Variants in TRPC4 observed in about 807,000 individuals in gnomAD.
TRPC4 encodes short transient receptor potential channel 4.
TRPC4 carries 49 observed loss-of-function variants against 99.4 expected under a neutral mutation model. The ratio of observed to expected loss-of-function variants is 0.49; its 90% CI spans 0.39 to 0.63. TRPC4 has a LOEUF of 0.63. Among genes scored for constraint, TRPC4 ranks in the 20% least tolerant of loss-of-function variants. TRPC4 has a pLI of 0.00. For missense variants in TRPC4, 898 were observed against 1,152.9 expected (o/e 0.78, Z 3.20); for synonymous variants, 454 against 425.9 (o/e 1.07, Z -0.81).
At chr13:37,746,580 T>G in intron 2 of TRPC4, 125 bp from the exon 3 acceptor site, 1 of 1,112,538 alleles carries the variant, frequency 9.0e-7, no homozygotes, top group East Asian at 2.6e-5. Context: ...TTTTTTTTTT[T>G]GTAGGAGAGA....
chr13:37,713,717 C>CA (rs1309238612), intron 3 of TRPC4, among the ~76,000 whole-genome samples: 2 of 152,138 alleles, frequency 1.3e-5, no homozygotes, highest in Non-Finnish European at 2.9e-5. Flanking sequence ...CCACCTCCCT[C>CA]AAAAAACCCA....
chr13:37,813,172 G>T (rs1036908306), intron 1 of TRPC4, among the ~76,000 whole-genome samples: 3 of 151,574 alleles, frequency 2.0e-5, no homozygotes, highest in African/African-American at 7.3e-5. Flanking sequence ...AATCAAAGAA[G>T]AAATCATAAG....
At chr13:37,749,736 T>G (rs1286023912) in intron 2 of TRPC4, among the ~76,000 whole-genome samples, 2 of 152,144 alleles carry the variant, frequency 1.3e-5, no homozygotes, top group Non-Finnish European at 2.9e-5. Flanking sequence ...GTATGAAAGT[T>G]CTCCATCTTC....
chr13:37,646,025 T>A (rs539469190), intron 8 of TRPC4, among the ~76,000 whole-genome samples: 24 of 152,310 alleles, frequency 1.6e-4, no homozygotes, highest in Non-Finnish European at 3.4e-4. Context: ...TCCTAAAGAT[T>A]AGGGAGCGAT....
At chr13:37,822,489 T>C (rs36129492) in intron 1 of TRPC4, among the ~76,000 whole-genome samples, 42,912 of 149,976 alleles carry the variant, frequency 0.29, 6,357 homozygotes, top group East Asian at 0.42. Flanking sequence ...TCTCATTGTT[T>C]GATTCCCATC....
intron 3 of TRPC4, among the ~76,000 whole-genome samples, chr13:37,716,491 T>C (rs1290388079): frequency 6.6e-6 from 1 of 152,204 alleles, no homozygotes; most frequent in Non-Finnish European, 1.5e-5. Context: ...GCACTGGCTT[T>C]GAGTATCTAG....
At chr13:37,862,529 TTTTTGTTTTG>T (rs985618862) in intron 1 of TRPC4, among the ~76,000 whole-genome samples, 6 of 151,494 alleles carry the variant, frequency 4.0e-5, no homozygotes, top group African/African-American at 7.2e-5. Flanking sequence ...TGGCCCAAAG[TTTTTGTTTTG>T]TTTTGTTTTG....
chr13:37,652,116 A>C (rs533240625), intron 7 of TRPC4, among the ~76,000 whole-genome samples: 1 of 152,256 alleles, frequency 6.6e-6, no homozygotes, highest in Admixed American at 6.5e-5. Flanking sequence ...ATCATGTATT[A>C]CTCACTCCAC....
intron 1 of TRPC4, among the ~76,000 whole-genome samples, chr13:37,860,842 A>C (rs1819607): frequency 0.71 from 106,905 of 151,050 alleles, 37,949 homozygotes; most frequent in Admixed American, 0.75. Flanking sequence ...GTGCTAGCAG[A>C]GTATAATATT....
chr13:37,719,338 A>T (rs1236855445), intron 3 of TRPC4, among the ~76,000 whole-genome samples: 1 of 152,104 alleles, frequency 6.6e-6, no homozygotes, highest in Non-Finnish European at 1.5e-5. Flanking sequence ...ACAGAGTGAG[A>T]CCATGTCTTA....
intron 1 of TRPC4, among the ~76,000 whole-genome samples, chr13:37,818,367 T>C (rs1593250632): frequency 6.6e-6 from 1 of 152,078 alleles, no homozygotes. Context: ...TGTAAATTAG[T>C]TCAACCATTG....
chr13:37,752,901 G>C (rs1264010314), intron 2 of TRPC4, among the ~76,000 whole-genome samples: 1 of 151,928 alleles, frequency 6.6e-6, no homozygotes, highest in Non-Finnish European at 1.5e-5. Context: ...TGAGCAATGT[G>C]CAAGGCAATG....
intron 8 of TRPC4, among the ~76,000 whole-genome samples, chr13:37,641,742 C>A (rs1288288415): frequency 6.6e-6 from 1 of 152,074 alleles, no homozygotes; most frequent in Non-Finnish European, 1.5e-5. Flanking sequence ...CTGACTGTGC[C>A]TAGTCAGGGA....
In TRPC4 at chr13:37,838,151, C is replaced by A. The variant is rs1593293641; in HGVS notation, c.-28+31444G>T. Among the ~76,000 whole-genome samples, 3 of 152,298 alleles carry A rather than the reference C, an allele frequency of 2.0e-5. No homozygotes were observed. The South Asian group carries it at 6.2e-4, about 32-fold the overall frequency. Reference sequence around the variant, plus strand: ...CCAGTCTCAGATATGTCTTTACCAGCAGTGTGAAAATGGACTAACACATAT... The same window carrying A: ...CCAGTCTCAGATATGTCTTTACCAGAAGTGTGAAAATGGACTAACACATAT... On this transcript the variant is annotated intron_variant, in intron 1 of 10. Transcript: ENST00000379705.
intron 1 of TRPC4, among the ~76,000 whole-genome samples, chr13:37,856,018 G>T (rs1352513998): frequency 1.3e-5 from 2 of 151,504 alleles, no homozygotes; most frequent in East Asian, 1.9e-4. Context: ...TAGAAAAAAA[G>T]AAATAATAAA....
intron 5 of TRPC4, among the ~76,000 whole-genome samples, chr13:37,670,335 C>A (rs568961335): frequency 1.3e-4 from 20 of 152,166 alleles, no homozygotes; most frequent in African/African-American, 4.8e-4. Flanking sequence ...ACAAGATTTT[C>A]TTTTTTTGTA....
At chr13:37,779,611 A>G (rs920716378) in intron 2 of TRPC4, among the ~76,000 whole-genome samples, 4 of 152,066 alleles carry the variant, frequency 2.6e-5, no homozygotes, top group East Asian at 3.9e-4. Flanking sequence ...GTATAAGGTC[A>G]AAAAGAAAAC....
chr13:37,695,169 T>A (rs1953865884), intron 3 of TRPC4, among the ~76,000 whole-genome samples: 2 of 152,080 alleles, frequency 1.3e-5, no homozygotes, highest in Non-Finnish European at 2.9e-5. Context: ...CCTCCCTCTC[T>A]TCCTTCTTCC....
chr13:37,742,318 A>G (rs1955616038), intron 3 of TRPC4, among the ~76,000 whole-genome samples: 1 of 152,144 alleles, frequency 6.6e-6, no homozygotes, highest in African/African-American at 2.4e-5. Flanking sequence ...TGTTATTAGG[A>G]GATTAACCCA....
Sources: allele counts gnomAD v4.1 joint callset (sites outside exome capture counted in the v4.1 genomes callset), GRCh38; gene constraint gnomAD v4.1.1; transcripts MANE v1.5; gene names NCBI Gene and HGNC (gene_info 2026-07-23, HGNC 2026-07-21).